The following MYO3B variants were observed in gnomAD, a reference collection of about 807,000 sequenced individuals.
MYO3B encodes myosin-IIIb.
MYO3B carries 156 observed loss-of-function variants against 174.6 expected under a neutral mutation model. The ratio of observed to expected loss-of-function variants is 0.89; its 90% confidence interval spans 0.78 to 1.02. The LOEUF (loss-of-function observed/expected upper bound fraction) is 1.02. Ranked by LOEUF, MYO3B falls within the 50% of genes least tolerant of loss-of-function variation. The pLI is 0.00. For missense variants in MYO3B, 1,632 were observed against 1,639.4 expected (o/e 1.00, Z 0.08); for synonymous variants, 563 against 569.1 (o/e 0.99, Z 0.15).
intron 32 of MYO3B, among the ~76,000 whole-genome samples, chr2:170,638,924 C>G (rs910104830): frequency 6.6e-6 from 1 of 152,122 alleles, no homozygotes; most frequent in Admixed American, 6.5e-5. Flanking sequence ...GTCTTCTGAT[C>G]CCCCATGTCC....
intron 25 of MYO3B, among the ~76,000 whole-genome samples, chr2:170,492,795 A>G (rs566510066): frequency 6.6e-6 from 1 of 152,302 alleles, no homozygotes; most frequent in South Asian, 2.1e-4. Context: ...TGGAAAAGCA[A>G]TGTTTGGTCG....
intron 1 of MYO3B, among the ~76,000 whole-genome samples, chr2:170,188,689 A>G (rs2092501124): frequency 1.3e-5 from 2 of 152,078 alleles, no homozygotes; most frequent in African/African-American, 4.8e-5. Context: ...CCATTATTTT[A>G]TTAATAAACT....
At chr2:170,440,233 A>G (rs1371006054) in intron 22 of MYO3B, among the ~76,000 whole-genome samples, 2 of 152,060 alleles carry the variant, frequency 1.3e-5, no homozygotes, top group Admixed American at 1.3e-4. Flanking sequence ...CTCCAGCTTT[A>G]TTCTTTTTCT....
chr2:170,632,955 G>A (rs1697140462), intron 32 of MYO3B, among the ~76,000 whole-genome samples: 1 of 152,094 alleles, frequency 6.6e-6, no homozygotes, highest in African/African-American at 2.4e-5. Flanking sequence ...CCAATAACAG[G>A]CTCTGAAATT....
chr2:170,317,830 A>T (rs1208195518), intron 7 of MYO3B, among the ~76,000 whole-genome samples: 2 of 152,206 alleles, frequency 1.3e-5, no homozygotes, highest in Non-Finnish European at 2.9e-5. Flanking sequence ...AGGTAACCAG[A>T]TGCTTTACTG....
chr2:170,209,528 A>G (rs1024467013), intron 3 of MYO3B, among the ~76,000 whole-genome samples: 12 of 152,164 alleles, frequency 7.9e-5, no homozygotes, highest in Admixed American at 5.9e-4. Flanking sequence ...CAATGTCACA[A>G]TCTCCAAAGT....
At chr2:170,386,446 C>A (rs1045818999) in intron 13 of MYO3B, among the ~76,000 whole-genome samples, 174 bp downstream of exon 13, 1 of 152,092 alleles carries the variant, frequency 6.6e-6, no homozygotes, top group Non-Finnish European at 1.5e-5. Context: ...GCATGCTATC[C>A]TTCCTTCACG....
chr2:170,606,300 TC>T (rs1694804062), intron 32 of MYO3B, among the ~76,000 whole-genome samples: 1 of 152,166 alleles, frequency 6.6e-6, no homozygotes. Context: ...CACATCATGA[TC>T]CCCTTCCTCA....
chr2:170,532,242 C>T (rs540288244), intron 30 of MYO3B, among the ~76,000 whole-genome samples: 31 of 152,252 alleles, frequency 2.0e-4, no homozygotes, highest in African/African-American at 7.0e-4. Flanking sequence ...ACAAAATGAC[C>T]GGCCTGTAGG....
At chr2:170,426,290 G>A (rs1048717055) in intron 22 of MYO3B, among the ~76,000 whole-genome samples, 13 of 151,470 alleles carry the variant, frequency 8.6e-5, no homozygotes, top group African/African-American at 2.4e-4. Flanking sequence ...AGTGAGCCAC[G>A]ATTGTGCCAC....
chr2:170,265,442 A>G (rs1245350303), intron 7 of MYO3B, among the ~76,000 whole-genome samples: 4 of 152,250 alleles, frequency 2.6e-5, no homozygotes, highest in African/African-American at 9.6e-5. Flanking sequence ...GGCCAGAATC[A>G]ACTAATCAGA....
At chr2:170,214,598 A>T in intron 4 of MYO3B, 115 bp downstream of exon 4, 1 of 1,313,638 alleles carries the variant, frequency 7.6e-7, no homozygotes. Context: ...AAGGATTACT[A>T]ACAGCAGGAA....
At chr2:170,203,768 G>A (rs1295165489) in intron 3 of MYO3B, among the ~76,000 whole-genome samples, 3 of 152,172 alleles carry the variant, frequency 2.0e-5, no homozygotes, top group African/African-American at 7.2e-5. Context: ...TGGTTAGAAA[G>A]TACTGCAGCA....
chr2:170,634,873 C>T (rs1031557373), intron 32 of MYO3B, among the ~76,000 whole-genome samples: 2 of 152,224 alleles, frequency 1.3e-5, no homozygotes, highest in African/African-American at 2.4e-5. Flanking sequence ...AAATGCTGAT[C>T]ATCACTGGTC....
chr2:170,223,213 C>G (rs947276843), intron 6 of MYO3B, among the ~76,000 whole-genome samples: 9 of 152,150 alleles, frequency 5.9e-5, no homozygotes, highest in African/African-American at 2.2e-4. Flanking sequence ...TTAAGCCTCT[C>G]TGGTCTCCTG....
intron 8 of MYO3B, chr2:170,341,044 C>G (rs1280913253): frequency 6.6e-6 from 1 of 152,062 alleles, no homozygotes; most frequent in Non-Finnish European, 1.5e-5. Context: ...TAAGCAGTTG[C>G]CCTGAATGTT....
At chr2:170,626,540 C>T (rs1363987150) in intron 32 of MYO3B, among the ~76,000 whole-genome samples, 3 of 152,166 alleles carry the variant, frequency 2.0e-5, no homozygotes, top group Non-Finnish European at 4.4e-5. Context: ...GCATTTAGCC[C>T]ATTTACATTT....
intron 28 of MYO3B, among the ~76,000 whole-genome samples, chr2:170,509,329 T>C (rs1687822685): frequency 6.6e-6 from 1 of 152,100 alleles, no homozygotes; most frequent in African/African-American, 2.4e-5. Flanking sequence ...TGCACTCCAA[T>C]CTGGGTGACA....
At chr2:170,291,858 T>G (rs1228049798) in intron 7 of MYO3B, among the ~76,000 whole-genome samples, 1 of 152,180 alleles carries the variant, frequency 6.6e-6, no homozygotes, top group African/African-American at 2.4e-5. Context: ...ATTTAGGATC[T>G]TCACTTTGTC....
Sources: gnomAD v4.1 joint callset for allele counts (sites outside exome capture counted in the v4.1 genomes callset) on GRCh38, gnomAD v4.1.1 for gene constraint, MANE v1.5 for transcripts, NCBI Gene and HGNC (gene_info 2026-07-23, HGNC 2026-07-21) for gene names.